RBFOX3: variants seen among roughly 807,000 people sequenced by gnomAD.
RBFOX3 encodes RNA binding fox-1 homolog 3.
A neutral mutation model predicts 48.7 loss-of-function variants in RBFOX3; 17 were observed. The observed-to-expected ratio is 0.35, with a 90% CI of 0.24 to 0.52. The LOEUF (loss-of-function observed/expected upper bound fraction) is 0.52. Among genes scored for constraint, RBFOX3 ranks in the 20% least tolerant of loss-of-function variants. The pLI is 0.94. For synonymous variants in RBFOX3, 212 were observed against 209.5 expected (o/e 1.01, Z -0.10); for missense variants, 382 against 497.5 (o/e 0.77, Z 2.21).
In RBFOX3 at chr17:79,094,461, A is replaced by T; in HGVS notation, c.1067T>A (p.Ile356Asn). ...GCCTGGGCTCCTTACCATGGTTCCA[A>T]TGCTGTAGGTCGCCGCGGGCCCGAT... Reference protein sequence around the residue: ...HTIGPAATYSIGTM With the variant: ...HTIGPAATYSNGTM Residue 356 changes from isoleucine (I) to asparagine (N), a missense_variant, in exon 14 of 15, where the codon ATT becomes AAT. Physicochemically the swap from Ile to Asn is moderately radical, Grantham distance 149. Coordinates refer to ENST00000693108, the MANE Select transcript of RBFOX3 (RefSeq NM_001350451.2). The T allele has an allele frequency of 6.7e-7, 1 of 1,487,222 alleles. No individual in the cohort carries two copies. Among genetic ancestry groups the T allele is most frequent in the Non-Finnish European group, 8.9e-7 (1 of 1,120,356 alleles). 92.1% of individuals were successfully genotyped at this position (1,487,222 alleles called of 1,614,324 possible). A position where few individuals can be genotyped will look rare whatever the true frequency, so the allele number is the denominator to read the frequency against.
chr17:79,301,751 T>C (rs2075349000), intron 3 of RBFOX3, among the ~76,000 whole-genome samples: 1 of 152,158 alleles, frequency 6.6e-6, no homozygotes, highest in African/African-American at 2.4e-5. Flanking sequence ...CCCCCACCCA[T>C]ACGTTGGAAA....
chr17:79,300,234 C>T (rs1600501550), intron 3 of RBFOX3, among the ~76,000 whole-genome samples: 1 of 152,144 alleles, frequency 6.6e-6, no homozygotes, highest in African/African-American at 2.4e-5. Flanking sequence ...GGACTTCCAG[C>T]CTCCGGAGCC....
At chr17:79,657,507 T>C in the RBFOX3 span, among the ~76,000 whole-genome samples, 19,021 of 152,184 alleles carry the variant, frequency 0.12, 1,489 homozygotes, top group African/African-American at 0.22. Context: ...GGTGAAACCC[T>C]GTCTCTACTA....
intron 1 of RBFOX3, among the ~76,000 whole-genome samples, chr17:79,531,535 T>A (rs1337223099): frequency 1.3e-5 from 2 of 152,118 alleles, no homozygotes; most frequent in Non-Finnish European, 2.9e-5. Flanking sequence ...AATCCACCCA[T>A]GGTCATGCCC....
chr17:79,523,666 C>T (rs1231572386), intron 1 of RBFOX3, among the ~76,000 whole-genome samples: 3 of 152,322 alleles, frequency 2.0e-5, no homozygotes, highest in African/African-American at 7.2e-5. Context: ...GGTGAACACG[C>T]AGCTGCCAGG....
chr17:79,230,282 T>G (rs933366606), intron 4 of RBFOX3, among the ~76,000 whole-genome samples: 1 of 152,146 alleles, frequency 6.6e-6, no homozygotes, highest in African/African-American at 2.4e-5. Flanking sequence ...TTTTTTGAGA[T>G]GGAGTCTTGC....
chr17:79,425,694 G>A (rs1001790779), intron 2 of RBFOX3, among the ~76,000 whole-genome samples: 1 of 152,184 alleles, frequency 6.6e-6, no homozygotes, highest in African/African-American at 2.4e-5. Context: ...GGAGAAGACA[G>A]GAGGGCCACG....
the RBFOX3 span, among the ~76,000 whole-genome samples, chr17:79,630,757 C>T: frequency 1.3e-5 from 2 of 152,208 alleles, no homozygotes; most frequent in Non-Finnish European, 2.9e-5. Context: ...CTACTATGCA[C>T]TAGGCACCTA....
At chr17:79,182,790 G>C (rs1395436674) in intron 4 of RBFOX3, among the ~76,000 whole-genome samples, 5 of 151,606 alleles carry the variant, frequency 3.3e-5, no homozygotes, top group African/African-American at 1.2e-4. Context: ...CGGAGGCCCG[G>C]CGCGCGGTCT....
chr17:79,642,742 T>C, the RBFOX3 span, among the ~76,000 whole-genome samples: 1 of 151,940 alleles, frequency 6.6e-6, no homozygotes, highest in Non-Finnish European at 1.5e-5. Flanking sequence ...GAGGTACAAA[T>C]GCACGAGAAA....
intron 3 of RBFOX3, among the ~76,000 whole-genome samples, chr17:79,273,780 C>T (rs940237830): frequency 3.9e-5 from 6 of 152,160 alleles, no homozygotes; most frequent in South Asian, 2.1e-4. Context: ...AGTTAAAGTC[C>T]GAGGACAGAA....
At chr17:79,255,157 A>C (rs776732090) in intron 3 of RBFOX3, among the ~76,000 whole-genome samples, 1 of 151,778 alleles carries the variant, frequency 6.6e-6, no homozygotes, top group Non-Finnish European at 1.5e-5. Flanking sequence ...CACCCCTCCC[A>C]GCCAGTCTGG....
At chr17:79,294,079 C>T (rs1487305549) in intron 3 of RBFOX3, among the ~76,000 whole-genome samples, 1 of 152,208 alleles carries the variant, frequency 6.6e-6, no homozygotes, top group Non-Finnish European at 1.5e-5. Context: ...ATACTGCAGC[C>T]TACTATGCTC....
chr17:79,118,986 A>T (rs1482473941), intron 4 of RBFOX3, among the ~76,000 whole-genome samples: 106 of 127,004 alleles, frequency 8.3e-4, no homozygotes, highest in African/African-American at 3.5e-3. Context: ...AAAAAAAAAA[A>T]AAAAAAATAA....
At chr17:79,522,584 T>TC (rs2086254046) in intron 1 of RBFOX3, among the ~76,000 whole-genome samples, 1 of 151,728 alleles carries the variant, frequency 6.6e-6, no homozygotes, top group African/African-American at 2.4e-5. Context: ...ACACCACCTC[T>TC]CCCCACTGAG....
chr17:79,358,708 G>C (rs976974544), intron 2 of RBFOX3, among the ~76,000 whole-genome samples: 4 of 152,216 alleles, frequency 2.6e-5, no homozygotes, highest in Admixed American at 2.6e-4. Flanking sequence ...TGATCTGCCT[G>C]TCTTGGCCTC....
intron 2 of RBFOX3, among the ~76,000 whole-genome samples, chr17:79,455,129 C>T (rs1555743989): frequency 6.6e-6 from 1 of 152,090 alleles, no homozygotes; most frequent in East Asian, 1.9e-4. Flanking sequence ...CCGGCAGCAT[C>T]CCCCTCCATG....
intron 4 of RBFOX3, among the ~76,000 whole-genome samples, chr17:79,121,729 C>T (rs775888754): frequency 6.6e-6 from 1 of 152,190 alleles, no homozygotes; most frequent in Non-Finnish European, 1.5e-5. Flanking sequence ...ATCTGCATTG[C>T]TGATTCCTGT....
At chr17:79,184,490 G>A (rs1180754479) in intron 4 of RBFOX3, among the ~76,000 whole-genome samples, 3 of 152,154 alleles carry the variant, frequency 2.0e-5, no homozygotes, top group Non-Finnish European at 4.4e-5. Flanking sequence ...CAGCTTCAGC[G>A]GCCACACACA....
Sources: allele counts gnomAD v4.1 joint callset (sites outside exome capture counted in the v4.1 genomes callset), GRCh38; gene constraint gnomAD v4.1.1; transcripts MANE v1.5; gene names NCBI Gene and HGNC (gene_info 2026-07-23, HGNC 2026-07-21).